Variants in ASTN2 observed in about 807,000 individuals in gnomAD.
ASTN2 encodes astrotactin-2.
A neutral mutation model predicts 139.8 loss-of-function variants in ASTN2; 54 were observed. The observed-to-expected ratio is 0.39, with a 90% CI of 0.31 to 0.48. The LOEUF (loss-of-function observed/expected upper bound fraction) is 0.48. Among genes scored for constraint, ASTN2 ranks in the 20% least tolerant of loss-of-function variants. The pLI is 0.95. For synonymous variants in ASTN2, 756 were observed against 719.5 expected, an observed-to-expected ratio of 1.05 and a Z score of -0.81; for missense variants, 1,565 against 1,725.1, an observed-to-expected ratio of 0.91 and a Z score of 1.64.
chr9:116,467,293 A>G (rs1003468344), intron 20 of ASTN2, among the ~76,000 whole-genome samples: 1 of 152,060 alleles, frequency 6.6e-6, no homozygotes, highest in African/African-American at 2.4e-5. Context: ...TTTGAGACAG[A>G]GTCTCGCTCT....
In ASTN2 at chr9:116,807,377, A is replaced by G. The variant is rs571195846; in HGVS notation, c.2208-1557T>C. 6.6e-5 allele frequency among the ~76,000 whole-genome samples: 10 copies of G among 152,328 alleles called. No individual in the cohort carries two copies. In the East Asian group the frequency reaches 1.9e-3, roughly 29 times the overall value. ...CCCAAGATCACTCTAGTGAAAAGCC[A>G]GGAAGTCTCATGCATGAAGCAAACT... is the stretch of plus-strand genomic sequence containing the variant. On this transcript the variant is annotated intron_variant, in intron 12 of 22. Coordinates refer to ENST00000313400, the MANE Select transcript of ASTN2 (RefSeq NM_001365068.1).
At chr9:116,561,523 A>T (rs1282066427) in intron 19 of ASTN2, among the ~76,000 whole-genome samples, 1 of 152,204 alleles carries the variant, frequency 6.6e-6, no homozygotes, top group Non-Finnish European at 1.5e-5. Flanking sequence ...GAATTACACA[A>T]ATTTACACCA....
intron 6 of ASTN2, among the ~76,000 whole-genome samples, chr9:117,039,062 AT>A (rs892490605): frequency 6.6e-5 from 10 of 152,326 alleles, no homozygotes; most frequent in African/African-American, 2.2e-4. Flanking sequence ...TTTGGGGGGC[AT>A]TTTTATTTTG....
chr9:116,853,793 C>T (rs1198305296), intron 11 of ASTN2, among the ~76,000 whole-genome samples: 1 of 152,190 alleles, frequency 6.6e-6, no homozygotes, highest in African/African-American at 2.4e-5. Flanking sequence ...TCATGAAACA[C>T]TAATACAATT....
chr9:116,917,015 T>C (rs1834468478), intron 10 of ASTN2, among the ~76,000 whole-genome samples: 1 of 152,024 alleles, frequency 6.6e-6, no homozygotes, highest in Non-Finnish European at 1.5e-5. Flanking sequence ...CCCTCATTAT[T>C]TTGCTTAAGT....
intron 10 of ASTN2, among the ~76,000 whole-genome samples, chr9:116,969,564 T>G (rs777991080): frequency 4.0e-5 from 6 of 151,672 alleles, no homozygotes; most frequent in Non-Finnish European, 7.4e-5. Flanking sequence ...AAAAACAGAG[T>G]GCACCAGAGA....
At chr9:116,628,414 C>T (rs1346397805) in intron 17 of ASTN2, among the ~76,000 whole-genome samples, 1 of 152,148 alleles carries the variant, frequency 6.6e-6, no homozygotes, top group African/African-American at 2.4e-5. Context: ...TTTCTGATCA[C>T]TTTCTCACTT....
At chr9:117,108,436 A>ACACACACACACACACAC (rs760179816) in intron 4 of ASTN2, among the ~76,000 whole-genome samples, 1 of 30,696 alleles carries the variant, frequency 3.3e-5, no homozygotes, top group Non-Finnish European at 1.1e-4. Context: ...AAAACAAAAC[A>ACACACACACACACACAC]AAACACACAC....
rs2132338427 is a variant in ASTN2, at chr9:116,862,038, T to A, written c.2040+1545A>T. Among the ~76,000 whole-genome samples, 5 of 148,436 alleles carry A rather than the reference T, an allele frequency of 3.4e-5. No homozygotes were observed. In the East Asian group the frequency reaches 8.3e-4, roughly 25 times the overall value. On this transcript the variant is annotated intron_variant, in intron 11 of 22. Transcript: ENST00000313400. The stretch of plus-strand genomic sequence containing the variant: ...TTTCTATCACTTGTAATCCTGAGAA[T>A]TCTAATCACTAAAATTTCTAATTGC...
intron 12 of ASTN2, among the ~76,000 whole-genome samples, chr9:116,818,054 T>A (rs970159506): frequency 4.8e-4 from 73 of 151,438 alleles, no homozygotes; most frequent in African/African-American, 1.5e-3. Context: ...GTGCTTTTTT[T>A]AAAAAAAAAA....
intron 19 of ASTN2, among the ~76,000 whole-genome samples, chr9:116,617,065 C>A (rs1363823944): frequency 6.6e-6 from 1 of 152,212 alleles, no homozygotes; most frequent in Non-Finnish European, 1.5e-5. Flanking sequence ...CCAGTCTGTT[C>A]TGTCTCTTTC....
intron 18 of ASTN2, among the ~76,000 whole-genome samples, chr9:116,619,902 C>T (rs1588093662): frequency 6.6e-6 from 1 of 152,148 alleles, no homozygotes; most frequent in Non-Finnish European, 1.5e-5. Context: ...ATTGTCCGTT[C>T]CCTGAGTACA....
At chr9:116,991,911 T>G (rs1054848227) in intron 7 of ASTN2, among the ~76,000 whole-genome samples, 2 of 152,232 alleles carry the variant, frequency 1.3e-5, no homozygotes, top group African/African-American at 4.8e-5. Flanking sequence ...GCTCAGTCAA[T>G]GTCTATGAAA....
At chr9:117,301,686 A>G (rs1422995453) in intron 1 of ASTN2, among the ~76,000 whole-genome samples, 1 of 152,202 alleles carries the variant, frequency 6.6e-6, no homozygotes, top group Non-Finnish European at 1.5e-5. Context: ...GCATCCTTCC[A>G]GGTCACTCAG....
At chr9:117,139,870 A>T (rs1385922581) in intron 4 of ASTN2, among the ~76,000 whole-genome samples, 1 of 152,218 alleles carries the variant, frequency 6.6e-6, no homozygotes, top group Non-Finnish European at 1.5e-5. Flanking sequence ...AAGCTTGAAA[A>T]GACAGGTAGA....
intron 3 of ASTN2, among the ~76,000 whole-genome samples, chr9:117,191,150 T>C (rs930319217): frequency 1.4e-5 from 2 of 147,916 alleles, no homozygotes; most frequent in Admixed American, 1.4e-4. Context: ...CCTGGGAATA[T>C]ACCCTGAGGA....
In ASTN2 at chr9:117,280,374, T is replaced by C. The variant is rs550337773; in HGVS notation, c.630+10952A>G. ...CCCTAATCCCTGGAGTTTGTGAATGTTATCTTATTTGGAAAAAAGGGTCTT... is the reference window on the plus strand; with the variant it reads ...CCCTAATCCCTGGAGTTTGTGAATGCTATCTTATTTGGAAAAAAGGGTCTT... On this transcript the variant is annotated intron_variant, in intron 2 of 22. Transcript: ENST00000313400. Among the ~76,000 whole-genome samples the C allele has an allele frequency of 3.9e-5, 6 of 152,270 alleles. No individual in the cohort carries two copies. In the South Asian group the frequency reaches 1.2e-3, roughly 32 times the overall value.
At chr9:116,990,245 C>T (rs1022932242) in intron 7 of ASTN2, among the ~76,000 whole-genome samples, 2 of 152,178 alleles carry the variant, frequency 1.3e-5, no homozygotes, top group Non-Finnish European at 2.9e-5. Flanking sequence ...TTTCCCCCTT[C>T]CTTTCTTCTT....
intron 15 of ASTN2, among the ~76,000 whole-genome samples, chr9:116,727,666 C>A (rs1041397613): frequency 5.9e-5 from 9 of 152,072 alleles, no homozygotes; most frequent in African/African-American, 2.2e-4. Context: ...TAATAAAAAA[C>A]AATACCACAG....
Sources: allele counts gnomAD v4.1 joint callset (sites outside exome capture counted in the v4.1 genomes callset), GRCh38; gene constraint gnomAD v4.1.1; transcripts MANE v1.5; gene names NCBI Gene and HGNC (gene_info 2026-07-23, HGNC 2026-07-21).